The following RMDN2 variants were observed in gnomAD, a reference collection of about 807,000 sequenced individuals.
The protein encoded by RMDN2 is regulator of microtubule dynamics protein 2.
RMDN2 carries 61 observed loss-of-function variants against 52.8 expected under a neutral mutation model. The ratio of observed to expected loss-of-function variants is 1.16; its 90% CI spans 0.94 to 1.43. The LOEUF (loss-of-function observed/expected upper bound fraction) is 1.43. Ranked by LOEUF, RMDN2 falls within the 40% of genes most tolerant of loss-of-function variation. RMDN2 has a pLI of 0.00. For missense variants in RMDN2, 592 were observed against 475.3 expected (o/e 1.25, Z -2.28); for synonymous variants, 180 against 153.1 (o/e 1.18, Z -1.30).
chr2:38,045,670 A>G (rs17021897), intron 10 of RMDN2, among the ~76,000 whole-genome samples: 20,944 of 152,186 alleles, frequency 0.14, 2,503 homozygotes, highest in East Asian at 0.69. Context: ...GTTAGAGTAA[A>G]ATCACTAAAG....
intron 5 of RMDN2, among the ~76,000 whole-genome samples, chr2:37,984,691 G>C (rs1673766784): frequency 6.6e-6 from 1 of 152,120 alleles, no homozygotes; most frequent in African/African-American, 2.4e-5. Context: ...GAAACAGTAT[G>C]ATAGTCAATG....
chr2:37,977,413 C>G (rs922237726), intron 4 of RMDN2, among the ~76,000 whole-genome samples: 1 of 150,398 alleles, frequency 6.6e-6, no homozygotes, highest in African/African-American at 2.4e-5. Flanking sequence ...CCAGACGGGT[C>G]GGCCGGGCAG....
intron 10 of RMDN2, among the ~76,000 whole-genome samples, chr2:38,053,356 G>C (rs1328487087): frequency 6.6e-6 from 1 of 152,148 alleles, no homozygotes; most frequent in East Asian, 1.9e-4. Flanking sequence ...AACTTCCTGA[G>C]AAGCTTTTGA....
At chr2:37,963,817 A>C (rs1423473890) in intron 2 of RMDN2, among the ~76,000 whole-genome samples, 1 of 152,112 alleles carries the variant, frequency 6.6e-6, no homozygotes, top group Non-Finnish European at 1.5e-5. Flanking sequence ...GCCCGTTCTC[A>C]ATGAGCTGTT....
chr2:37,939,414 G>A (rs570153365), intron 2 of RMDN2, among the ~76,000 whole-genome samples: 17 of 152,246 alleles, frequency 1.1e-4, no homozygotes, highest in African/African-American at 4.1e-4. Flanking sequence ...GGTCCGCTTG[G>A]TTCAGAGCTG....
chr2:37,924,548 T>C (rs775757009), upstream of RMDN2, among the ~76,000 whole-genome samples: 3 of 152,128 alleles, frequency 2.0e-5, no homozygotes, highest in Non-Finnish European at 4.4e-5. Context: ...GTATTTTTAG[T>C]AGAGACAGGG....
At chr2:37,991,108 G>GA (rs773848280) in intron 6 of RMDN2, 112 bp from the exon 7 acceptor site, 434 of 464,614 alleles carry the variant, frequency 9.3e-4, no homozygotes, top group Non-Finnish European at 1.4e-3. Context: ...TAGGGATGGG[G>GA]AGAACTGAGA....
chr2:38,033,337 T>C (rs537474517), intron 10 of RMDN2: 3 of 152,336 alleles, frequency 2.0e-5, no homozygotes, highest in African/African-American at 7.2e-5. Context: ...GGTGAGATCA[T>C]CAAAACCTTC....
chr2:37,987,394 G>A (rs1674166261), intron 5 of RMDN2, among the ~76,000 whole-genome samples: 1 of 152,058 alleles, frequency 6.6e-6, no homozygotes, highest in African/African-American at 2.4e-5. Context: ...GAAAAGATGT[G>A]GAGGAACCTT....
At chr2:38,034,737 C>T (rs540695931) in intron 10 of RMDN2, among the ~76,000 whole-genome samples, 122 of 150,856 alleles carry the variant, frequency 8.1e-4, no homozygotes, top group African/African-American at 2.8e-3. Context: ...ATAAATTATA[C>T]GTATTAATAC....
At chr2:37,973,994 T>C in intron 2 of RMDN2, 46 bp from the exon 3 acceptor site, 1 of 1,451,428 alleles carries the variant, frequency 6.9e-7, no homozygotes, top group South Asian at 1.2e-5. Context: ...CTCTGGCTAT[T>C]ATACTTAACT....
intron 10 of RMDN2, chr2:38,027,306 G>C (rs1358541039): frequency 2.0e-5 from 3 of 151,984 alleles, no homozygotes; most frequent in Non-Finnish European, 4.4e-5. Context: ...ATCTCTCAGG[G>C]GTTGCTGTAC....
intron 2 of RMDN2, 99 bp from the exon 3 acceptor site, chr2:37,973,941 A>G (rs1401243873): frequency 5.3e-6 from 5 of 939,774 alleles, no homozygotes; most frequent in African/African-American, 3.4e-5. Context: ...CAGAGTTTCA[A>G]GCATAAGAGG....
intron 2 of RMDN2, chr2:37,950,386 C>A (rs1405217329): frequency 4.6e-6 from 7 of 1,520,516 alleles, no homozygotes; most frequent in African/African-American, 1.4e-5. Flanking sequence ...AGCTACAGAA[C>A]AGTTCTAATA....
At chr2:38,007,019 G>A (rs1051763241) in intron 10 of RMDN2, among the ~76,000 whole-genome samples, 3 of 152,072 alleles carry the variant, frequency 2.0e-5, no homozygotes, top group African/African-American at 4.8e-5. Context: ...ATTGATCTAC[G>A]TATGTTGAAC....
Position 37,974,142 on chromosome 2 carries a change from G to A in RMDN2, c.555G>A (p.Lys185=), listed in dbSNP as rs1245526359. Residue 185 remains lysine, a synonymous_variant, in exon 3 of 11, where the codon AAG becomes AAA. Coordinates refer to ENST00000354545, the MANE Select transcript of RMDN2 (RefSeq NM_001170791.3). ...TAAATTTAGATGTCCTTCTTCAGAA[G>A]GTAGATCATTTACGTATGAGTGAGT... ...EELNLDVLLQ[K]VDHLRMSESG... 2 of 1,613,426 alleles carry A rather than the reference G, an allele frequency of 1.2e-6. No individual in the cohort carries two copies. The highest frequency in any genetic ancestry group is 1.1e-5 in the South Asian group (1 of 91,022).
chr2:37,938,344 G>T (rs1055014974), intron 2 of RMDN2, among the ~76,000 whole-genome samples: 36 of 152,188 alleles, frequency 2.4e-4, no homozygotes, highest in African/African-American at 8.2e-4. Context: ...AGGGATATTG[G>T]CCTGAAATTT....
chr2:37,924,881 T>C (rs147739040), upstream of RMDN2, among the ~76,000 whole-genome samples: 5 of 152,350 alleles, frequency 3.3e-5, no homozygotes, highest in South Asian at 2.1e-4. Flanking sequence ...CAGTAATTAG[T>C]GCAAGGCGTC....
chr2:37,938,804 C>G (rs890227031), intron 2 of RMDN2, among the ~76,000 whole-genome samples: 73 of 152,058 alleles, frequency 4.8e-4, no homozygotes, highest in African/African-American at 1.8e-3. Flanking sequence ...CTTTATTAAT[C>G]TGGCTAGCGG....
Sources: allele counts gnomAD v4.1 joint callset (sites outside exome capture counted in the v4.1 genomes callset), GRCh38; gene constraint gnomAD v4.1.1; transcripts MANE v1.5; gene names NCBI Gene and HGNC (gene_info 2026-07-23, HGNC 2026-07-21).